CIB4: variants seen among roughly 807,000 people sequenced by gnomAD.
CIB4 encodes the protein calcium and integrin binding family member 4, also known as calcium and integrin-binding family member 4.
In CIB4, 25 loss-of-function variants were observed where a neutral mutation model predicts 25.8. The ratio of observed to expected loss-of-function variants is 0.97; its 90% CI spans 0.71 to 1.35. CIB4 has a LOEUF of 1.35. Ranked by LOEUF, CIB4 falls within the 40% of genes most tolerant of loss-of-function variation. The pLI is 0.00. For missense variants in CIB4, 235 were observed against 228.2 expected (o/e 1.03, Z -0.19); for synonymous variants, 75 against 81.4 (o/e 0.92, Z 0.42).
intron 2 of CIB4, among the ~76,000 whole-genome samples, chr2:26,631,861 T>C (rs1166797267): frequency 6.6e-6 from 1 of 152,176 alleles, no homozygotes; most frequent in African/African-American, 2.4e-5. Context: ...AGTGTCTGTG[T>C]TCCCGCTGTC....
At chr2:26,599,204 A>G (rs1022938595) in intron 3 of CIB4, among the ~76,000 whole-genome samples, 3 of 152,198 alleles carry the variant, frequency 2.0e-5, no homozygotes, top group Non-Finnish European at 2.9e-5. Flanking sequence ...GGCGTTTTGA[A>G]CAAAGGGAAT....
intron 3 of CIB4, among the ~76,000 whole-genome samples, chr2:26,596,132 G>A (rs556207920): frequency 2.6e-5 from 4 of 152,330 alleles, no homozygotes; most frequent in South Asian, 2.1e-4. Context: ...ATTTTCTAAT[G>A]TGGTTTTCCT....
At chr2:26,585,693 A>G (rs1335078193) in intron 4 of CIB4, among the ~76,000 whole-genome samples, 2 of 152,066 alleles carry the variant, frequency 1.3e-5, no homozygotes, top group African/African-American at 4.8e-5. Context: ...CCTTAATCTC[A>G]TTTCAGCTCA....
chr2:26,591,766 CT>C (rs1246806700), intron 4 of CIB4, among the ~76,000 whole-genome samples: 3 of 152,226 alleles, frequency 2.0e-5, no homozygotes, highest in East Asian at 1.9e-4. Context: ...GTCTCTCCCC[CT>C]GGCTGTCTTT....
At chr2:26,607,029 G>A (rs1668902523) in intron 3 of CIB4, among the ~76,000 whole-genome samples, 1 of 152,110 alleles carries the variant, frequency 6.6e-6, no homozygotes, top group Admixed American at 6.5e-5. Context: ...CAGATTCCAG[G>A]CCAACAGGTA....
rs374177820 is a variant in CIB4, at chr2:26,627,926, T to C, written c.186+1484A>G. Reference sequence around the variant, plus strand: ...GCTTGAATGACATGTCTGTGCCCCCTCCATGTCCCTTCCTCAGGAGCCAGC... The same window carrying C: ...GCTTGAATGACATGTCTGTGCCCCCCCCATGTCCCTTCCTCAGGAGCCAGC... On this transcript the variant is annotated intron_variant, in intron 3 of 6. Coordinates refer to ENST00000288861, the MANE Select transcript of CIB4 (RefSeq NM_001029881.3). This position sits in a 1 kb window ranked among gnomAD's most constrained non-coding sequence, Gnocchi z 4.0. 1.8e-4 allele frequency among the ~76,000 whole-genome samples: 27 copies of C among 152,232 alleles called. No homozygotes were observed. Among genetic ancestry groups the C allele is most frequent in the African/African-American group, 6.3e-4 (26 of 41,524 alleles).
intron 2 of CIB4, among the ~76,000 whole-genome samples, chr2:26,631,397 CCAG>C (rs1364906186): frequency 6.6e-6 from 1 of 152,236 alleles, no homozygotes; most frequent in Non-Finnish European, 1.5e-5. Context: ...TCACTGGATC[CCAG>C]GAGGTTGAGG....
intron 3 of CIB4, among the ~76,000 whole-genome samples, chr2:26,599,166 T>C (rs1668736852): frequency 6.6e-6 from 1 of 152,170 alleles, no homozygotes; most frequent in African/African-American, 2.4e-5. Flanking sequence ...TGCTTCCATT[T>C]CAAGAATAAC....
chr2:26,633,848 T>G (rs575928043), intron 2 of CIB4, among the ~76,000 whole-genome samples: 3 of 152,292 alleles, frequency 2.0e-5, no homozygotes, highest in African/African-American at 7.2e-5. Flanking sequence ...GTCACTCTGC[T>G]GCTGACTGTC....
chr2:26,592,111 A>C (rs191123429), intron 4 of CIB4, among the ~76,000 whole-genome samples: 10 of 152,370 alleles, frequency 6.6e-5, no homozygotes, highest in African/African-American at 2.2e-4. Flanking sequence ...ACACAATGGA[A>C]AACTCATCTA....
At chr2:26,586,768 A>G (rs1668461039) in intron 4 of CIB4, among the ~76,000 whole-genome samples, 1 of 152,208 alleles carries the variant, frequency 6.6e-6, no homozygotes, top group South Asian at 2.1e-4. Flanking sequence ...TTTCATGGGC[A>G]GAGGATCACC....
chr2:26,593,330 G>A (rs1160727608), intron 4 of CIB4, among the ~76,000 whole-genome samples: 1 of 151,506 alleles, frequency 6.6e-6, no homozygotes, highest in Non-Finnish European at 1.5e-5. Flanking sequence ...GTGTATATGT[G>A]TGTGTGTGTA....
At chr2:26,587,863 T>C (rs1668486642) in intron 4 of CIB4, among the ~76,000 whole-genome samples, 1 of 152,214 alleles carries the variant, frequency 6.6e-6, no homozygotes, top group Non-Finnish European at 1.5e-5. Flanking sequence ...CCAGTTTCCA[T>C]ACTCATTTCT....
At chr2:26,581,480 C>T in intron 6 of CIB4, 87 bp from the exon 7 acceptor site, 1 of 1,313,218 alleles carries the variant, frequency 7.6e-7, no homozygotes, top group African/African-American at 1.4e-5. Flanking sequence ...CTGGAGGCTC[C>T]CTCCCCGGCC....
At chr2:26,620,958 A>T (rs1199748068) in intron 3 of CIB4, among the ~76,000 whole-genome samples, 2 of 152,202 alleles carry the variant, frequency 1.3e-5, no homozygotes, top group Non-Finnish European at 2.9e-5. Context: ...TCCAGAAAGA[A>T]GAGCAAAAAG....
intron 4 of CIB4, among the ~76,000 whole-genome samples, chr2:26,588,977 C>CTTTCTTCTTCTT (rs1668507880): frequency 1.1e-5 from 1 of 89,368 alleles, no homozygotes; most frequent in African/African-American, 4.1e-5. Context: ...GCCGCTTCTT[C>CTTTCTTCTTCTT]TTTCTTCTTC....
chr2:26,629,421 G>A lies in CIB4; in HGVS notation c.175C>T (p.Pro59Ser). The change falls in exon 3 of 7, where the codon CCA (proline) becomes TCA (serine). Residue 59 changes from proline (P) to serine (S), a missense_variant. Pro to Ser is a moderately conservative substitution (Grantham distance 74). Coordinates refer to ENST00000288861, the MANE Select transcript of CIB4 (RefSeq NM_001029881.3). ...TLTMDQVSSL[P>S]ALRVNPFRDR... Reference sequence around the variant, plus strand: ...CATCCTGGACTCACCCGCAGAGCTGGCAGGGAGCTGACCTGGTCCATGGTG... The same window carrying A: ...CATCCTGGACTCACCCGCAGAGCTGACAGGGAGCTGACCTGGTCCATGGTG... The A allele has an allele frequency of 6.3e-7, 1 of 1,576,766 alleles. No homozygotes were observed. Among genetic ancestry groups the A allele is most frequent in the Non-Finnish European group, 8.6e-7 (1 of 1,160,340 alleles).
At chr2:26,586,742 C>T (rs1668460615) in intron 4 of CIB4, among the ~76,000 whole-genome samples, 2 of 152,200 alleles carry the variant, frequency 1.3e-5, no homozygotes, top group Non-Finnish European at 2.9e-5. Context: ...GCCTTTGTTG[C>T]AATAAAGCGC....
rs538300568 is a variant in CIB4 at position 26,583,418 on chromosome 2, G to T, written c.438+371C>A. On this transcript the variant is annotated intron_variant, in intron 5 of 6. Transcript: ENST00000288861. ...TTGTGCTGGGACAGAGTGGGGAGGG[G>T]ATGTTGAGATGGGTCCCTCTGAGGT... 1.9e-4 allele frequency among the ~76,000 whole-genome samples: 29 copies of T among 152,306 alleles called. No individual in the cohort carries two copies. In the South Asian group the frequency reaches 5.8e-3, roughly 31 times the overall value.
Sources: allele counts gnomAD v4.1 joint callset (sites outside exome capture counted in the v4.1 genomes callset), GRCh38; gene constraint gnomAD v4.1.1; non-coding constraint Gnocchi (gnomAD v3.1); transcripts MANE v1.5; gene names NCBI Gene and HGNC (gene_info 2026-07-23, HGNC 2026-07-21).